RAPGEF2: variants seen among roughly 807,000 people sequenced by gnomAD.
RAPGEF2 encodes the protein PDZ domain containing guanine nucleotide exchange factor (GEF) 1.
A neutral mutation model predicts 186.7 loss-of-function variants in RAPGEF2; 54 were observed. The ratio of observed to expected loss-of-function variants is 0.29; its 90% CI spans 0.23 to 0.36. The LOEUF (loss-of-function observed/expected upper bound fraction) is 0.36. RAPGEF2 is among the 10% of genes least tolerant of loss of function. The pLI, the probability that RAPGEF2 is intolerant of heterozygous loss-of-function variation, is 1.00. For synonymous variants in RAPGEF2, 712 were observed against 705.9 expected (o/e 1.01, Z -0.14); for missense variants, 1,532 against 2,045.0 (o/e 0.75, Z 4.84).
At position 159,295,098 on chromosome 4, in the gene RAPGEF2, T is replaced by TA. The variant is rs34845360; in HGVS notation, c.544-9243dup. Among the ~76,000 whole-genome samples, 516 of 152,274 alleles carry TA rather than the reference T, an allele frequency of 3.4e-3. 4 individuals carry two copies. Among genetic ancestry groups the TA allele is most frequent in the African/African-American group, 0.012 (499 of 41,550 alleles). ...GTTCAGCGTATTGCCCATTATACAATACAGGCCCCCTCGCCCCAAAGCTAT... is the reference window on the plus strand; with the variant it reads ...GTTCAGCGTATTGCCCATTATACAATAACAGGCCCCCTCGCCCCAAAGCTAT... On this transcript the variant is annotated intron_variant, in intron 7 of 29. Transcript: ENST00000691494.
chr4:159,265,014 G>C (rs1353764225), intron 7 of RAPGEF2, among the ~76,000 whole-genome samples: 1 of 151,964 alleles, frequency 6.6e-6, no homozygotes, highest in African/African-American at 2.4e-5. Flanking sequence ...ATGAACACTT[G>C]GGTTGCTTCT....
At chr4:159,277,226 A>G (rs1419723557) in intron 7 of RAPGEF2, among the ~76,000 whole-genome samples, 5 of 152,090 alleles carry the variant, frequency 3.3e-5, no homozygotes, top group Non-Finnish European at 1.5e-5. Context: ...TTCCAGCTTC[A>G]TCCATGTCCC....
chr4:159,261,269 A>G lies in RAPGEF2; in HGVS notation c.543+17478A>G, dbSNP rs546902144. Among the ~76,000 whole-genome samples the G allele has an allele frequency of 2.9e-3, 440 of 151,064 alleles. 3 individuals are homozygous for G. The highest frequency in any genetic ancestry group is 4.4e-3 in the Non-Finnish European group (301 of 67,744). ...AGTAGAGATGGGGTTTCACTGTGTTAGCCAGGATGGTCTCCATCTCCTGAC... is the reference window on the plus strand; with the variant it reads ...AGTAGAGATGGGGTTTCACTGTGTTGGCCAGGATGGTCTCCATCTCCTGAC... On this transcript the variant is annotated intron_variant, in intron 7 of 29. Transcript: ENST00000691494.
chr4:159,347,716 G>A (rs1312686917), intron 25 of RAPGEF2, among the ~76,000 whole-genome samples: 2 of 152,206 alleles, frequency 1.3e-5, no homozygotes, highest in Non-Finnish European at 2.9e-5. Context: ...CCCGGGAGGG[G>A]GAGCTTGCAG....
intron 4 of RAPGEF2, among the ~76,000 whole-genome samples, chr4:159,215,767 AG>A (rs1228804642): frequency 6.6e-6 from 1 of 152,156 alleles, no homozygotes; most frequent in Non-Finnish European, 1.5e-5. Flanking sequence ...GTGACCAGGT[AG>A]GGACTGTAAG....
At chr4:159,262,697 C>A (rs1757009177) in intron 7 of RAPGEF2, among the ~76,000 whole-genome samples, 1 of 152,238 alleles carries the variant, frequency 6.6e-6, no homozygotes, top group African/African-American at 2.4e-5. Context: ...TCTTTCCCTT[C>A]TAACATGCTC....
At chr4:159,187,823 C>G (rs1236334356) in intron 2 of RAPGEF2, among the ~76,000 whole-genome samples, 1 of 152,098 alleles carries the variant, frequency 6.6e-6, no homozygotes, top group Non-Finnish European at 1.5e-5. Context: ...ATTTTTGATG[C>G]CAGCGGGTTT....
At chr4:159,242,101 GATA>G (rs987789200) in intron 6 of RAPGEF2, among the ~76,000 whole-genome samples, 13 of 151,918 alleles carry the variant, frequency 8.6e-5, no homozygotes, top group Non-Finnish European at 1.9e-4. Flanking sequence ...CCAAGACATA[GATA>G]ATGAGTGCTT....
chr4:159,338,602 T>G, intron 18 of RAPGEF2, 134 bp downstream of exon 18: 1 of 1,002,212 alleles, frequency 1.0e-6, no homozygotes, highest in East Asian at 2.7e-5. Context: ...AACTTAAACT[T>G]TAAGATTTTT....
At chr4:159,118,588 T>C (rs183139827) in intron 1 of RAPGEF2, among the ~76,000 whole-genome samples, 2 of 151,896 alleles carry the variant, frequency 1.3e-5, no homozygotes, top group Admixed American at 1.3e-4. Context: ...TAAAGTATTA[T>C]TATTATTTTT....
chr4:159,106,135 C>T (rs1035920056), intron 1 of RAPGEF2, among the ~76,000 whole-genome samples: 3 of 152,248 alleles, frequency 2.0e-5, no homozygotes, highest in Non-Finnish European at 4.4e-5. Flanking sequence ...GGGCCAGCTA[C>T]TACTAACCCA....
At chr4:159,300,946 A>G (rs1211852804) in intron 7 of RAPGEF2, among the ~76,000 whole-genome samples, 1 of 152,194 alleles carries the variant, frequency 6.6e-6, no homozygotes, top group African/African-American at 2.4e-5. Flanking sequence ...TTTCCTAGGC[A>G]TGGGCTCAGG....
rs144505035 is a variant in RAPGEF2, at chr4:159,304,241, G to T, written c.544-101G>T. 6.3e-4 allele frequency: 681 copies of T among 1,075,364 alleles called. 4 individuals are homozygous for T. In the African/African-American group the frequency reaches 9.6e-3, roughly 15 times the overall value. The allele number at this position is 1,075,364 out of a possible 1,614,324, so 66.6% of individuals were successfully genotyped here. ...ATGTGGAAAATGAATACCATTTTTAGTTCAATGGTATAGAATAAAATATGA... is the reference window on the plus strand; with the variant it reads ...ATGTGGAAAATGAATACCATTTTTATTTCAATGGTATAGAATAAAATATGA... On this transcript the variant is annotated intron_variant, in intron 7 of 29. Coordinates refer to ENST00000691494, the MANE Select transcript of RAPGEF2 (RefSeq NM_001394067.2).
At position 159,198,242 on chromosome 4, in the gene RAPGEF2, T is replaced by TCC. The variant is rs1359031148; in HGVS notation, c.197+4986_197+4987insCC. On this transcript the variant is annotated intron_variant, in intron 3 of 29. Transcript: ENST00000691494. ...CTTTCTTTTATTTTCTTTTCTTTCT[T>TCC]TCTTCCTTTCTTTCTTTCTCTTTCT... Among the ~76,000 whole-genome samples the TCC allele has an allele frequency of 1.4e-3, 181 of 125,712 alleles. 4 individuals carry two copies. The highest frequency in any genetic ancestry group is 4.1e-3 in the Middle Eastern group (1 of 244). 82.5% of individuals were successfully genotyped at this position (125,712 alleles called of 152,430 possible).
At chr4:159,202,505 G>C (rs879650578) in intron 3 of RAPGEF2, among the ~76,000 whole-genome samples, 16 of 152,146 alleles carry the variant, frequency 1.1e-4, no homozygotes, top group Admixed American at 8.5e-4. Context: ...GGTCTTCTAG[G>C]ATCAGCATCC....
intron 1 of RAPGEF2, among the ~76,000 whole-genome samples, chr4:159,163,010 G>A (rs1250824011): frequency 6.6e-6 from 1 of 152,050 alleles, no homozygotes; most frequent in Non-Finnish European, 1.5e-5. Context: ...CGAAACACCT[G>A]TTCCAAAAAG....
At chr4:159,293,277 T>G (rs1761482452) in intron 7 of RAPGEF2, among the ~76,000 whole-genome samples, 1 of 152,222 alleles carries the variant, frequency 6.6e-6, no homozygotes, top group Admixed American at 6.5e-5. Flanking sequence ...ATCACATCGG[T>G]TTCTTTTCAT....
intron 1 of RAPGEF2, among the ~76,000 whole-genome samples, chr4:159,163,306 A>G (rs1744919658): frequency 6.6e-6 from 1 of 152,224 alleles, no homozygotes; most frequent in Admixed American, 6.5e-5. Context: ...ATATCCTGTT[A>G]GTGCCTCACA....
intron 1 of RAPGEF2, among the ~76,000 whole-genome samples, chr4:159,146,660 C>G (rs1022981689): frequency 6.6e-6 from 1 of 152,152 alleles, no homozygotes; most frequent in African/African-American, 2.4e-5. Flanking sequence ...CTAACTTGTT[C>G]AAGGAGGAAG....
Sources: allele counts gnomAD v4.1 joint callset (sites outside exome capture counted in the v4.1 genomes callset), GRCh38; gene constraint gnomAD v4.1.1; transcripts MANE v1.5; gene names NCBI Gene and HGNC (gene_info 2026-07-23, HGNC 2026-07-21).